ADAM10: variants seen among roughly 807,000 people sequenced by gnomAD.
The protein encoded by ADAM10 is disintegrin and metalloproteinase domain-containing protein 10.
Under a neutral mutation model 90.1 loss-of-function variants are expected in ADAM10, and 17 were observed. The ratio of observed to expected loss-of-function variants is 0.19; its 90% CI spans 0.13 to 0.28. The LOEUF (loss-of-function observed/expected upper bound fraction) is 0.28. Among genes scored for constraint, ADAM10 ranks in the 10% least tolerant of loss-of-function variants. The probability of loss-of-function intolerance (pLI) is 1.00; values close to 1 mark genes in which losing one functional copy is unlikely to be tolerated. For synonymous variants in ADAM10, 310 were observed against 298.6 expected, an observed-to-expected ratio of 1.04 and a Z score of -0.40; for missense variants, 610 against 914.3, an observed-to-expected ratio of 0.67 and a Z score of 4.29.
chr15:58,736,604 GA>G (rs1209653285), intron 1 of ADAM10, among the ~76,000 whole-genome samples: 3 of 151,718 alleles, frequency 2.0e-5, no homozygotes, highest in African/African-American at 7.3e-5. Context: ...GAAACAGAGG[GA>G]AAAAAATAAT....
chr15:58,606,581 G>A (rs1895280535), intron 14 of ADAM10, among the ~76,000 whole-genome samples: 1 of 152,182 alleles, frequency 6.6e-6, no homozygotes, highest in South Asian at 2.1e-4. Flanking sequence ...GCTATGCTAT[G>A]TGGTCTGTTC....
rs1351441273 is a variant in ADAM10 at position 58,593,831 on chromosome 15, T to C, written c.*3716A>G. On this transcript the variant is annotated 3_prime_UTR_variant, in exon 16 of 16. Coordinates refer to ENST00000260408, the MANE Select transcript of ADAM10 (RefSeq NM_001110.4). ...ATGAATTTCTACTGAAAATAGTACA[T>C]ACATGTATATATCTAAGACACACAA... 1 of 152,202 alleles carries C rather than the reference T, an allele frequency of 6.6e-6. No individual in the cohort carries two copies. Among genetic ancestry groups the C allele is most frequent in the African/African-American group, 2.4e-5 (1 of 41,456 alleles). 9.4% of individuals were successfully genotyped at this position (152,202 alleles called of 1,614,324 possible).
intron 1 of ADAM10, among the ~76,000 whole-genome samples, chr15:58,739,259 C>T (rs1899525394): frequency 1.3e-5 from 2 of 151,688 alleles, no homozygotes; most frequent in African/African-American, 4.9e-5. Flanking sequence ...GTAATCCCAG[C>T]ACTTTGGGAG....
chr15:58,728,337 T>C (rs1899109454), intron 1 of ADAM10, among the ~76,000 whole-genome samples: 1 of 152,216 alleles, frequency 6.6e-6, no homozygotes, highest in Non-Finnish European at 1.5e-5. Context: ...ATGGAGGTAG[T>C]TATACAAGTA....
chr15:58,709,481 G>A (rs1444539579), intron 2 of ADAM10, among the ~76,000 whole-genome samples: 2 of 152,188 alleles, frequency 1.3e-5, no homozygotes, highest in African/African-American at 4.8e-5. Flanking sequence ...ACTCACGCCT[G>A]TAATCCCAGA....
chr15:58,599,817 A>G (rs1259329871), intron 14 of ADAM10, 93 bp from the exon 15 acceptor site: 6 of 1,266,440 alleles, frequency 4.7e-6, no homozygotes, highest in Non-Finnish European at 6.7e-6. Flanking sequence ...AATAGAACAC[A>G]GTATATTGTA....
intron 2 of ADAM10, chr15:58,692,935 T>C (rs781142862): frequency 1.4e-6 from 1 of 714,226 alleles, no homozygotes; most frequent in South Asian, 1.4e-5. Context: ...AATGCCTGTG[T>C]TGACCAAAGT....
At chr15:58,684,708 G>A (rs1897539555) in intron 2 of ADAM10, among the ~76,000 whole-genome samples, 1 of 152,154 alleles carries the variant, frequency 6.6e-6, no homozygotes, top group East Asian at 1.9e-4. Flanking sequence ...CCTGAGTTCT[G>A]TCAGCCAGGT....
chr15:58,690,607 A>G (rs1321695173), intron 2 of ADAM10, among the ~76,000 whole-genome samples: 1 of 152,164 alleles, frequency 6.6e-6, no homozygotes, highest in Admixed American at 6.5e-5. Flanking sequence ...CCTGCCTTAG[A>G]CACAAGGACA....
chr15:58,645,902 T>C (rs1896533863), intron 6 of ADAM10, among the ~76,000 whole-genome samples, 153 bp downstream of exon 6: 2 of 152,200 alleles, frequency 1.3e-5, no homozygotes, highest in South Asian at 2.1e-4. Flanking sequence ...CTTTCAGTTA[T>C]CCATGTACTT....
chr15:58,692,477 C>T (rs1354884035), intron 2 of ADAM10: 1 of 520,298 alleles, frequency 1.9e-6, no homozygotes, highest in Admixed American at 2.2e-5. Flanking sequence ...TTTTCTTTAT[C>T]ATCTTTATCT....
chr15:58,619,068 G>T (rs1314972402), intron 11 of ADAM10, among the ~76,000 whole-genome samples: 1 of 152,024 alleles, frequency 6.6e-6, no homozygotes, highest in Admixed American at 6.6e-5. Flanking sequence ...GTATCACTAT[G>T]CACAATAGCC....
intron 9 of ADAM10, among the ~76,000 whole-genome samples, chr15:58,631,382 A>G (rs1212501613): frequency 6.6e-6 from 1 of 152,204 alleles, no homozygotes. Flanking sequence ...CAATTTCTCC[A>G]TTAAACAATA....
Position 58,682,177 on chromosome 15 carries a change from C to T in ADAM10, c.325+19G>A. On this transcript the variant is annotated intron_variant, in intron 3 of 15. Transcript: ENST00000260408. ...AAAAAAAAAATGGAAGAAAAGGGTTCTGTTAAGGTCCAACTTACCATAAAT... is the reference window on the plus strand; with the variant it reads ...AAAAAAAAAATGGAAGAAAAGGGTTTTGTTAAGGTCCAACTTACCATAAAT... The T allele has an allele frequency of 6.2e-7, 1 of 1,608,822 alleles. No homozygotes were observed.
chr15:58,677,146 A>C (rs1351795766), intron 4 of ADAM10, among the ~76,000 whole-genome samples: 1 of 152,214 alleles, frequency 6.6e-6, no homozygotes, highest in Non-Finnish European at 1.5e-5. Context: ...ACTCTGTTTA[A>C]GGGAACTCCT....
intron 5 of ADAM10, among the ~76,000 whole-genome samples, chr15:58,658,383 T>C (rs1306668005): frequency 6.6e-6 from 1 of 152,226 alleles, no homozygotes; most frequent in African/African-American, 2.4e-5. Flanking sequence ...AAGATGACAC[T>C]ATCTTGATTA....
intron 1 of ADAM10, among the ~76,000 whole-genome samples, chr15:58,745,934 A>C (rs904390383): frequency 2.0e-4 from 30 of 152,210 alleles, no homozygotes; most frequent in African/African-American, 7.2e-4. Context: ...TTTCACTGAG[A>C]AATATCCCAA....
At chr15:58,740,859 T>C (rs950024625) in intron 1 of ADAM10, among the ~76,000 whole-genome samples, 47 of 152,350 alleles carry the variant, frequency 3.1e-4, no homozygotes, top group African/African-American at 1.1e-3. Context: ...TATTTTCTAA[T>C]GTTTGGTAAT....
intron 1 of ADAM10, among the ~76,000 whole-genome samples, chr15:58,728,565 T>G (rs1431649421): frequency 6.6e-6 from 1 of 151,098 alleles, no homozygotes; most frequent in Non-Finnish European, 1.5e-5. Context: ...CATAGCGAGA[T>G]TCCATCTCTA....
Sources: gnomAD v4.1 joint callset for allele counts (sites outside exome capture counted in the v4.1 genomes callset) on GRCh38, gnomAD v4.1.1 for gene constraint, MANE v1.5 for transcripts, NCBI Gene and HGNC (gene_info 2026-07-23, HGNC 2026-07-21) for gene names.